CDH12: variants seen among roughly 807,000 people sequenced by gnomAD.
CDH12 encodes the protein cadherin 12, also known as cadherin-12.
A neutral mutation model predicts 74.1 loss-of-function variants in CDH12; 41 were observed. The observed-to-expected ratio is 0.55, with a 90% CI of 0.43 to 0.72. The LOEUF (loss-of-function observed/expected upper bound fraction) is 0.72, where lower values mean the gene tolerates loss of function less well. Ranked by LOEUF, CDH12 falls within the 30% of genes least tolerant of loss-of-function variation. The pLI, the probability that CDH12 is intolerant of heterozygous loss-of-function variation, is 0.00. For synonymous variants in CDH12, 399 were observed against 355.0 expected (o/e 1.12, Z -1.39); for missense variants, 945 against 977.2 (o/e 0.97, Z 0.44).
intron 2 of CDH12, among the ~76,000 whole-genome samples, chr5:22,503,541 A>C (rs1481685969): frequency 6.6e-6 from 1 of 152,112 alleles, no homozygotes; most frequent in African/African-American, 2.4e-5. Context: ...GAAAATCCTC[A>C]TATTAAAAAG....
chr5:22,357,346 T>A (rs1424291703), intron 3 of CDH12, among the ~76,000 whole-genome samples: 1 of 152,144 alleles, frequency 6.6e-6, no homozygotes, highest in East Asian at 1.9e-4. Flanking sequence ...ATTTTCAAAT[T>A]GACATATTGA....
intron 5 of CDH12, among the ~76,000 whole-genome samples, chr5:22,014,544 A>C (rs1194887517): frequency 6.6e-6 from 1 of 152,018 alleles, no homozygotes; most frequent in African/African-American, 2.4e-5. Context: ...CCTTTTCTTG[A>C]TGGTGTAGGT....
At chr5:21,757,396 G>A (rs1019182986) in intron 13 of CDH12, among the ~76,000 whole-genome samples, 11 of 152,140 alleles carry the variant, frequency 7.2e-5, no homozygotes, top group South Asian at 4.1e-4. Context: ...GGCTGGTCTC[G>A]AACTTCTGAC....
At chr5:21,809,924 C>T (rs1219012732) in intron 9 of CDH12, among the ~76,000 whole-genome samples, 1 of 151,976 alleles carries the variant, frequency 6.6e-6, no homozygotes, top group Non-Finnish European at 1.5e-5. Context: ...TCAACTTTGC[C>T]TGAGGGACTC....
At chr5:21,845,682 C>T (rs1419464881) in intron 7 of CDH12, among the ~76,000 whole-genome samples, 1 of 151,450 alleles carries the variant, frequency 6.6e-6, no homozygotes, top group South Asian at 2.1e-4. Flanking sequence ...TGATTTGTTG[C>T]CTGTTTACCT....
At position 21,795,836 on chromosome 5, in the gene CDH12, C is replaced by T. The variant is rs112809987; in HGVS notation, c.1256+6331G>A. On this transcript the variant is annotated intron_variant, in intron 10 of 14. Transcript: ENST00000382254. Reference sequence around the variant, plus strand: ...AAGATTTCTGTCATATTGAAAAGGACCTTCAAATGCAAACCAGCTACTTTG... The same window carrying T: ...AAGATTTCTGTCATATTGAAAAGGATCTTCAAATGCAAACCAGCTACTTTG... Among the ~76,000 whole-genome samples the T allele has an allele frequency of 1.2e-3, 188 of 152,028 alleles. 5 individuals are homozygous for T. Among genetic ancestry groups the T allele is most frequent in the Non-Finnish European group, 4.0e-4 (27 of 67,922 alleles).
chr5:22,188,713 G>T (rs1248257098), intron 4 of CDH12, among the ~76,000 whole-genome samples: 8 of 152,036 alleles, frequency 5.3e-5, no homozygotes, highest in African/African-American at 1.7e-4. Flanking sequence ...TTGGAGCTAG[G>T]GATGTTTCAT....
intron 6 of CDH12, among the ~76,000 whole-genome samples, chr5:21,892,987 C>T (rs977348239): frequency 4.6e-5 from 7 of 152,162 alleles, no homozygotes; most frequent in Admixed American, 2.6e-4. Context: ...ACTGGTCTTG[C>T]TCTTGATAGA....
intron 5 of CDH12, 114 bp from the exon 6 acceptor site, chr5:21,975,499 T>A (rs1418841653): frequency 1.5e-6 from 1 of 648,108 alleles, no homozygotes; most frequent in East Asian, 2.8e-5. Flanking sequence ...ATTCCTTTAA[T>A]CAAAAATGTT....
intron 4 of CDH12, among the ~76,000 whole-genome samples, chr5:22,209,161 A>G (rs1751392984): frequency 6.6e-6 from 1 of 152,162 alleles, no homozygotes; most frequent in South Asian, 2.1e-4. Flanking sequence ...CTTGGATATG[A>G]CAGCTAATCA....
Position 21,990,132 on chromosome 5 carries a change from C to A in CDH12, c.232-14747G>T, listed in dbSNP as rs1166108003. Among the ~76,000 whole-genome samples the A allele has an allele frequency of 5.3e-5, 8 of 152,096 alleles. No individual in the cohort carries two copies. The East Asian group carries it at 1.5e-3, about 29-fold the overall frequency. The stretch of plus-strand genomic sequence containing the variant: ...CTTTTCACAGGGATATGAAATTAGA[C>A]ACAATCACACCATATTTAGTGATTT... On this transcript the variant is annotated intron_variant, in intron 5 of 14. Transcript: ENST00000382254.
At position 22,666,282 on chromosome 5, in the gene CDH12, C is replaced by CTTTTTTTTTTTTTTTTTTTTTTTT. The variant is rs1161509257; in HGVS notation, c.-522-160919_-522-160918insAAAAAAAAAAAAAAAAAAAAAAAA. On this transcript the variant is annotated intron_variant, in intron 1 of 14. Transcript: ENST00000382254. ...TTATGGGATTTCTGTATCTCTCTATCTTTTTTTTTTTTTTTTTTTGTTTTT... is the reference window on the plus strand; with the variant it reads ...TTATGGGATTTCTGTATCTCTCTATCTTTTTTTTTTTTTTTTTTTTTTTTTTTTTTTTTTTTTTTTTTTGTTTTT... Among the ~76,000 whole-genome samples the CTTTTTTTTTTTTTTTTTTTTTTTT allele has an allele frequency of 1.4e-4, 12 of 83,530 alleles. 1 individual carries two copies. Among genetic ancestry groups the CTTTTTTTTTTTTTTTTTTTTTTTT allele is most frequent in the East Asian group, 6.8e-4 (2 of 2,954 alleles). The allele number at this position is 83,530 out of a possible 152,430, so 54.8% of individuals were successfully genotyped here. A position where few individuals can be genotyped will look rare whatever the true frequency, so the allele number is the denominator to read the frequency against.
chr5:22,619,692 C>T (rs1363884934), intron 1 of CDH12, among the ~76,000 whole-genome samples: 3 of 151,628 alleles, frequency 2.0e-5, no homozygotes, highest in Non-Finnish European at 2.9e-5. Flanking sequence ...TCTCTTGATA[C>T]ATTGAGCCCT....
At chr5:22,364,271 C>A (rs1740940304) in intron 3 of CDH12, among the ~76,000 whole-genome samples, 1 of 151,262 alleles carries the variant, frequency 6.6e-6, no homozygotes, top group Non-Finnish European at 1.5e-5. Context: ...AAGGGAAGTC[C>A]ATGTGCCCTT....
At chr5:22,034,787 A>C (rs1739060021) in intron 5 of CDH12, among the ~76,000 whole-genome samples, 1 of 152,236 alleles carries the variant, frequency 6.6e-6, no homozygotes, top group African/African-American at 2.4e-5. Context: ...GTCATGAAGA[A>C]TAAAGACAAA....
intron 5 of CDH12, among the ~76,000 whole-genome samples, chr5:22,069,259 C>T (rs919938315): frequency 4.6e-5 from 7 of 152,086 alleles, no homozygotes; most frequent in African/African-American, 1.4e-4. Context: ...CCCACCAGTC[C>T]AAAGCAGCTA....
chr5:22,040,167 A>T (rs1739471432), intron 5 of CDH12, among the ~76,000 whole-genome samples: 1 of 121,318 alleles, frequency 8.2e-6, no homozygotes, highest in Non-Finnish European at 2.1e-5. Flanking sequence ...CAAATAAAGT[A>T]AAAAAAAATT....
At chr5:22,266,941 C>T (rs768060395) in intron 3 of CDH12, among the ~76,000 whole-genome samples, 1 of 152,076 alleles carries the variant, frequency 6.6e-6, no homozygotes, top group African/African-American at 2.4e-5. Context: ...CTGATACACA[C>T]AGAGTAAACC....
chr5:22,629,938 A>T (rs1738496801), intron 1 of CDH12, among the ~76,000 whole-genome samples: 3 of 152,102 alleles, frequency 2.0e-5, no homozygotes, highest in Admixed American at 2.0e-4. Flanking sequence ...AATATACAAA[A>T]ATTAGTAGGT....
Sources: gnomAD v4.1 joint callset for allele counts (sites outside exome capture counted in the v4.1 genomes callset) on GRCh38, gnomAD v4.1.1 for gene constraint, MANE v1.5 for transcripts, NCBI Gene and HGNC (gene_info 2026-07-23, HGNC 2026-07-21) for gene names.